The following LCORL variants were observed in gnomAD, a reference collection of about 807,000 sequenced individuals.
The protein encoded by LCORL is ligand-dependent nuclear receptor corepressor-like protein.
Under a neutral mutation model 141.8 loss-of-function variants are expected in LCORL, and 41 were observed. The observed-to-expected ratio is 0.29, with a 90% CI of 0.23 to 0.38. The LOEUF (loss-of-function observed/expected upper bound fraction) is 0.38, where lower values mean the gene tolerates loss of function less well. Ranked by LOEUF, LCORL falls within the 10% of genes least tolerant of loss-of-function variation. The pLI is 1.00. For missense variants in LCORL, 1,759 were observed against 2,035.0 expected (o/e 0.86, Z 2.61); for synonymous variants, 618 against 694.1 (o/e 0.89, Z 1.72).
intron 4 of LCORL, among the ~76,000 whole-genome samples, chr4:17,918,889 A>G (rs985371862): frequency 2.0e-5 from 3 of 152,228 alleles, no homozygotes; most frequent in Admixed American, 1.3e-4. Context: ...CTCAGAGATC[A>G]CATTTAGATG....
At chr4:17,850,504 G>A (rs1206654753) in intron 7 of LCORL, among the ~76,000 whole-genome samples, 1 of 152,226 alleles carries the variant, frequency 6.6e-6, no homozygotes. Flanking sequence ...AGAGATTTAT[G>A]CAGCCAACAG....
exon 7 of LCORL, chr4:17,875,273 C>T (rs1726799324): frequency 2.4e-6 from 3 of 1,231,484 alleles, no homozygotes; most frequent in Middle Eastern, 3.1e-4. Context: ...TTGCCAAAGG[C>T]TTCTGATTTG....
intron 1 of LCORL, among the ~76,000 whole-genome samples, chr4:18,006,849 ATAT>A (rs1722898230): frequency 6.6e-6 from 1 of 152,050 alleles, no homozygotes; most frequent in African/African-American, 2.4e-5. Context: ...CATATCACAT[ATAT>A]TATTATATTA....
chr4:17,947,393 A>G (rs1213743580), intron 4 of LCORL, among the ~76,000 whole-genome samples: 2 of 152,030 alleles, frequency 1.3e-5, no homozygotes, highest in African/African-American at 2.4e-5. Flanking sequence ...AGTAGAATAC[A>G]AAGGCTGGGG....
intron 4 of LCORL, among the ~76,000 whole-genome samples, chr4:17,918,298 A>G (rs1733774104): frequency 6.6e-6 from 1 of 152,192 alleles, no homozygotes; most frequent in African/African-American, 2.4e-5. Flanking sequence ...TTTTTAAACA[A>G]AACATTATGG....
At chr4:17,881,321 T>C in intron 6 of LCORL, 5 of 981,384 alleles carry the variant, frequency 5.1e-6, no homozygotes, top group Non-Finnish European at 6.0e-6. Flanking sequence ...TTTGAAAGTT[T>C]AACATAAAGG....
chr4:17,932,679 C>A (rs1260439613), intron 4 of LCORL, among the ~76,000 whole-genome samples: 1 of 152,132 alleles, frequency 6.6e-6, no homozygotes, highest in Non-Finnish European at 1.5e-5. Context: ...CCCATCATCA[C>A]TTTTTGTAGA....
chr4:17,969,579 T>C (rs2109649606), intron 2 of LCORL, among the ~76,000 whole-genome samples: 1 of 152,284 alleles, frequency 6.6e-6, no homozygotes, highest in Middle Eastern at 3.4e-3. Flanking sequence ...CTTAAATGTA[T>C]ATAATACGCA....
chr4:17,959,686 T>C (rs2109588492), intron 4 of LCORL, among the ~76,000 whole-genome samples: 1 of 152,190 alleles, frequency 6.6e-6, no homozygotes, highest in African/African-American at 2.4e-5. Flanking sequence ...GATTTCTTTG[T>C]GTTTTAGCAA....
At chr4:17,881,959 TTATGTA>T in intron 6 of LCORL, 1 of 982,560 alleles carries the variant, frequency 1.0e-6, no homozygotes, top group Non-Finnish European at 1.2e-6. Context: ...CTGTAATCTA[TTATGTA>T]TATTTTCTTG....
chr4:17,962,543 T>C (rs1289306191), intron 3 of LCORL, among the ~76,000 whole-genome samples: 1 of 152,006 alleles, frequency 6.6e-6, no homozygotes, highest in Non-Finnish European at 1.5e-5. Flanking sequence ...AGGAGATAAT[T>C]ATGATATCCA....
chr4:17,951,456 A>G (rs1340506451), intron 4 of LCORL, among the ~76,000 whole-genome samples: 1 of 152,188 alleles, frequency 6.6e-6, no homozygotes, highest in African/African-American at 2.4e-5. Context: ...ATTTCTCAAA[A>G]TTGTTATTAT....
At chr4:17,999,282 T>C (rs1721523861) in intron 1 of LCORL, among the ~76,000 whole-genome samples, 1 of 151,638 alleles carries the variant, frequency 6.6e-6, no homozygotes, top group African/African-American at 2.4e-5. Context: ...TGAAACCCCG[T>C]CTCTACTAAA....
At chr4:17,982,224 G>A (rs1718133296) in intron 1 of LCORL, among the ~76,000 whole-genome samples, 2 of 151,802 alleles carry the variant, frequency 1.3e-5, no homozygotes, top group African/African-American at 4.8e-5. Flanking sequence ...TGTGAATAGT[G>A]CCACAATGAA....
chr4:18,015,206 A>G (rs1724451874), intron 1 of LCORL, among the ~76,000 whole-genome samples: 1 of 152,224 alleles, frequency 6.6e-6, no homozygotes, highest in Non-Finnish European at 1.5e-5. Flanking sequence ...TAGAGGACAC[A>G]TAACAGCAAT....
At chr4:17,944,047 T>C (rs180938080) in intron 4 of LCORL, among the ~76,000 whole-genome samples, 15 of 152,288 alleles carry the variant, frequency 9.8e-5, no homozygotes, top group Non-Finnish European at 1.8e-4. Context: ...AGTTTACCCA[T>C]ACTTATTCAT....
intron 1 of LCORL, among the ~76,000 whole-genome samples, chr4:18,000,618 C>T (rs1017684892): frequency 3.9e-5 from 6 of 152,126 alleles, no homozygotes; most frequent in African/African-American, 1.2e-4. Context: ...TACAGGCAAC[C>T]ACATGAATGA....
At chr4:18,019,075 C>A (rs769281910) in intron 1 of LCORL, among the ~76,000 whole-genome samples, 1 of 152,156 alleles carries the variant, frequency 6.6e-6, no homozygotes, top group Non-Finnish European at 1.5e-5. Context: ...AAAGCCCAAT[C>A]GACAAGTGTA....
At chr4:17,902,535 G>A (rs1402831943) in intron 5 of LCORL, among the ~76,000 whole-genome samples, 2 of 152,112 alleles carry the variant, frequency 1.3e-5, no homozygotes, top group African/African-American at 4.8e-5. Context: ...AAACTGTTTA[G>A]TGATTTCCAA....
Sources: gnomAD v4.1 joint callset for allele counts (sites outside exome capture counted in the v4.1 genomes callset) on GRCh38, gnomAD v4.1.1 for gene constraint, MANE v1.5 for transcripts, NCBI Gene and HGNC (gene_info 2026-07-23, HGNC 2026-07-21) for gene names.